CCDC171: variants seen among roughly 807,000 people sequenced by gnomAD.
CCDC171 encodes the protein coiled-coil domain containing 171.
A neutral mutation model predicts 168.2 loss-of-function variants in CCDC171; 177 were observed. That is an observed-to-expected ratio of 1.05 (90% confidence interval 0.93 to 1.19). CCDC171 has a LOEUF of 1.19. Among genes scored for constraint, CCDC171 ranks in the 50% most tolerant of loss-of-function variants. The pLI is 0.00. For missense variants in CCDC171, 1,991 were observed against 1,539.0 expected, an observed-to-expected ratio of 1.29 and a Z score of -4.91; for synonymous variants, 687 against 540.8, an observed-to-expected ratio of 1.27 and a Z score of -3.75.
At chr9:15,989,590 G>C (rs556050977) in intron 3 of CCDC171, among the ~76,000 whole-genome samples, 1 of 152,266 alleles carries the variant, frequency 6.6e-6, no homozygotes, top group East Asian at 1.9e-4. Context: ...TGACTTTGAC[G>C]AGTTGAGAGA....
rs996294950 is a variant in CCDC171 at position 15,576,175 on chromosome 9, A to C, written c.178-2674A>C. ...TGTGTGTGTGTATATACATGTATAT[A>C]TATTTGTTGTTTTAAATCTTTTTTT... On this transcript the variant is annotated intron_variant, in intron 3 of 25. Coordinates refer to ENST00000380701, the MANE Select transcript of CCDC171 (RefSeq NM_173550.4). Among the ~76,000 whole-genome samples the C allele has an allele frequency of 2.0e-5, 3 of 150,944 alleles. No individual in the cohort carries two copies. The East Asian group carries it at 5.8e-4, about 29-fold the overall frequency.
chr9:15,717,398 C>T (rs748790769), intron 11 of CCDC171, among the ~76,000 whole-genome samples: 5 of 152,148 alleles, frequency 3.3e-5, no homozygotes, highest in Non-Finnish European at 7.4e-5. Context: ...ACTTGAAAGA[C>T]AATCTAGGCC....
chr9:16,092,577 A>G, the CCDC171 span, among the ~76,000 whole-genome samples: 2 of 152,184 alleles, frequency 1.3e-5, no homozygotes, highest in African/African-American at 4.8e-5. Flanking sequence ...ATAGCACTTT[A>G]CAACTAGCTT....
intron 9 of CCDC171, among the ~76,000 whole-genome samples, chr9:15,675,661 G>A (rs575209518): frequency 7.2e-5 from 11 of 152,234 alleles, no homozygotes; most frequent in Non-Finnish European, 1.0e-4. Context: ...TGAAATTCTG[G>A]GTTGAAAATT....
intron 21 of CCDC171, among the ~76,000 whole-genome samples, chr9:15,835,308 G>A (rs1331414118): frequency 6.6e-6 from 1 of 152,114 alleles, no homozygotes; most frequent in African/African-American, 2.4e-5. Flanking sequence ...ATATAACTGA[G>A]CAATTTCCTG....
At chr9:16,052,351 G>T (rs1045531661) in intron 1 of CCDC171, among the ~76,000 whole-genome samples, 4 of 152,120 alleles carry the variant, frequency 2.6e-5, no homozygotes, top group South Asian at 2.1e-4. Context: ...CTTCCTGTCT[G>T]CTGCTGCTGT....
At chr9:16,092,904 G>T in the CCDC171 span, among the ~76,000 whole-genome samples, 26 of 152,202 alleles carry the variant, frequency 1.7e-4, no homozygotes, top group Non-Finnish European at 3.4e-4. Context: ...TGCCCGGCTG[G>T]CCCTGTGCAG....
At chr9:15,845,366 T>C (rs1322386353) in intron 21 of CCDC171, among the ~76,000 whole-genome samples, 1 of 152,090 alleles carries the variant, frequency 6.6e-6, no homozygotes, top group Non-Finnish European at 1.5e-5. Flanking sequence ...GTTTGTTTAA[T>C]TTTTTGATTT....
At chr9:16,013,543 C>G (rs1832932227) in intron 3 of CCDC171, among the ~76,000 whole-genome samples, 1 of 152,212 alleles carries the variant, frequency 6.6e-6, no homozygotes, top group Middle Eastern at 3.2e-3. Flanking sequence ...GACATACAGG[C>G]ACAGCCAGAT....
intron 21 of CCDC171, among the ~76,000 whole-genome samples, chr9:15,792,652 G>GA (rs1680395625): frequency 6.6e-6 from 1 of 152,128 alleles, no homozygotes; most frequent in African/African-American, 2.4e-5. Context: ...AGCCAGAAGA[G>GA]AGTGGGGGCC....
intron 6 of CCDC171, among the ~76,000 whole-genome samples, chr9:15,604,935 T>C (rs896603354): frequency 6.6e-6 from 1 of 152,226 alleles, no homozygotes; most frequent in Non-Finnish European, 1.5e-5. Flanking sequence ...TTTATATTTT[T>C]GAGACAAGGT....
At chr9:15,621,275 G>C (rs187240427) in intron 6 of CCDC171, among the ~76,000 whole-genome samples, 1 of 152,050 alleles carries the variant, frequency 6.6e-6, no homozygotes, top group African/African-American at 2.4e-5. Flanking sequence ...CCTCAATAAA[G>C]TATTTTTAAA....
intron 7 of CCDC171, among the ~76,000 whole-genome samples, chr9:15,640,289 A>T (rs1378147992): frequency 1.3e-5 from 2 of 152,246 alleles, no homozygotes; most frequent in Middle Eastern, 6.8e-3. Context: ...TCTCTTTTAC[A>T]TGGCAGTTCC....
intron 3 of CCDC171, among the ~76,000 whole-genome samples, chr9:16,018,541 TG>T (rs1833087544): frequency 6.6e-6 from 1 of 152,244 alleles, no homozygotes; most frequent in South Asian, 2.1e-4. Context: ...GTTTCTTCAT[TG>T]AATGAATTAT....
At chr9:15,730,474 G>A (rs962822931) in intron 16 of CCDC171, among the ~76,000 whole-genome samples, 3 of 151,598 alleles carry the variant, frequency 2.0e-5, no homozygotes, top group Admixed American at 2.0e-4. Flanking sequence ...TACTTTTTTG[G>A]CATTGAATTT....
intron 18 of CCDC171, among the ~76,000 whole-genome samples, chr9:15,768,557 A>G (rs529315398): frequency 1.7e-4 from 26 of 152,330 alleles, no homozygotes; most frequent in African/African-American, 5.1e-4. Flanking sequence ...AGTTATTGAA[A>G]TAATAAAGAA....
At chr9:15,863,426 C>T (rs1295726139) in intron 23 of CCDC171, among the ~76,000 whole-genome samples, 2 of 151,968 alleles carry the variant, frequency 1.3e-5, no homozygotes, top group Admixed American at 1.3e-4. Flanking sequence ...GTTTCCTATT[C>T]CACCATCTGG....
intron 8 of CCDC171, among the ~76,000 whole-genome samples, chr9:15,659,104 A>C (rs1267093751): frequency 6.6e-6 from 1 of 152,212 alleles, no homozygotes; most frequent in Non-Finnish European, 1.5e-5. Context: ...TTTGAGGAGC[A>C]GTTTAAGAGG....
At chr9:15,941,738 C>G (rs1827760643) in intron 25 of CCDC171, among the ~76,000 whole-genome samples, 3 of 151,894 alleles carry the variant, frequency 2.0e-5, no homozygotes, top group Admixed American at 2.0e-4. Context: ...TCTCTTTTAA[C>G]TAGCCATTTA....
Sources: gnomAD v4.1 joint callset for allele counts (sites outside exome capture counted in the v4.1 genomes callset) on GRCh38, gnomAD v4.1.1 for gene constraint, MANE v1.5 for transcripts, NCBI Gene and HGNC (gene_info 2026-07-23, HGNC 2026-07-21) for gene names.